Variants in SPATC1 observed in about 807,000 individuals in gnomAD.
SPATC1 encodes the protein speriolin.
SPATC1 carries 35 observed loss-of-function variants against 36.5 expected under a neutral mutation model. The observed-to-expected ratio is 0.96, with a 90% confidence interval of 0.73 to 1.27. The LOEUF is 1.27. Among genes scored for constraint, SPATC1 ranks in the 50% most tolerant of loss-of-function variants. SPATC1 has a pLI of 0.00. For synonymous variants in SPATC1, 361 were observed against 353.6 expected (o/e 1.02, Z -0.24); for missense variants, 779 against 796.0 (o/e 0.98, Z 0.26).
chr8:144,038,137 A>G (rs1367510607), intron 1 of SPATC1, among the ~76,000 whole-genome samples: 3 of 151,164 alleles, frequency 2.0e-5, no homozygotes, highest in Non-Finnish European at 4.4e-5. Context: ...AAAAAAAAAA[A>G]AAAATTGATT....
chr8:144,045,378 G>A lies in SPATC1; in HGVS notation c.1447-1249G>A, dbSNP rs1039660714. Among the ~76,000 whole-genome samples, 14 of 152,182 alleles carry A rather than the reference G, an allele frequency of 9.2e-5. No individual in the cohort carries two copies. The highest frequency in any genetic ancestry group is 2.2e-4 in the African/African-American group (9 of 41,446). On this transcript the variant is annotated intron_variant, in intron 4 of 4. Coordinates refer to ENST00000377470, the MANE Select transcript of SPATC1 (RefSeq NM_198572.3). This position sits in a 1 kb window ranked among gnomAD's most constrained non-coding sequence, Gnocchi z 5.2. ...AGCAGAGGTTGACGTCACATTAACC[G>A]GGCCCGGTCCTGAGTCCAGCCCCAA... is the stretch of plus-strand genomic sequence containing the variant.
chr8:144,024,843 G>A (rs1834642629), intron 1 of SPATC1, among the ~76,000 whole-genome samples: 1 of 13,332 alleles, frequency 7.5e-5, no homozygotes, highest in African/African-American at 2.9e-4. Flanking sequence ...CCTCTTTCCT[G>A]AGGAATCTCT....
chr8:144,031,629 T>C (rs949866592), intron 1 of SPATC1, among the ~76,000 whole-genome samples: 2 of 151,816 alleles, frequency 1.3e-5, no homozygotes, highest in African/African-American at 4.8e-5. Flanking sequence ...CTGAGTTTCT[T>C]TGATATGTGG....
intron 1 of SPATC1, among the ~76,000 whole-genome samples, chr8:144,018,102 A>C (rs1378883121): frequency 6.6e-6 from 1 of 152,236 alleles, no homozygotes; most frequent in African/African-American, 2.4e-5. Flanking sequence ...ACAAAGGAGC[A>C]TGCAGAGAGG....
upstream of SPATC1, among the ~76,000 whole-genome samples, chr8:144,012,238 G>A (rs2133089127): frequency 6.6e-6 from 1 of 152,374 alleles, no homozygotes. Flanking sequence ...CACGGAAGAG[G>A]CACCATGAGG....
intron 1 of SPATC1, among the ~76,000 whole-genome samples, chr8:144,036,563 A>G (rs1261355363): frequency 6.6e-6 from 1 of 152,116 alleles, no homozygotes; most frequent in Non-Finnish European, 1.5e-5. Flanking sequence ...AACTCAAGCA[A>G]TCTGCCCATC....
At chr8:144,013,440 T>C (rs1294747873) in intron 1 of SPATC1, among the ~76,000 whole-genome samples, 1 of 152,132 alleles carries the variant, frequency 6.6e-6, no homozygotes, top group Non-Finnish European at 1.5e-5. Flanking sequence ...TTCTGACTGA[T>C]AACTTGGGTC....
chr8:144,039,816 C>G, intron 1 of SPATC1, 93 bp from the exon 2 acceptor site: 1 of 1,345,684 alleles, frequency 7.4e-7, no homozygotes, highest in Non-Finnish European at 1.0e-6. Flanking sequence ...GGCACTATGG[C>G]CAGGCCCTAC....
chr8:144,019,085 G>A (rs1422826996), intron 1 of SPATC1, among the ~76,000 whole-genome samples: 9 of 151,520 alleles, frequency 5.9e-5, no homozygotes, highest in African/African-American at 2.2e-4. Flanking sequence ...GGAACTGAGA[G>A]GAGAACTTGG....
At position 144,023,766 on chromosome 8, in the gene SPATC1, T is replaced by TC. The variant is rs1258063156; in HGVS notation, c.211+11040_211+11041insC. On this transcript the variant is annotated intron_variant, in intron 1 of 4. Coordinates refer to ENST00000377470, the MANE Select transcript of SPATC1 (RefSeq NM_198572.3). Reference sequence around the variant, plus strand: ...TCAAAACTCTCTTCCTTCAGAACCCTTTCCCTAAGGTCCCTCTTCCCTCAG... The same window carrying TC: ...TCAAAACTCTCTTCCTTCAGAACCCTCTTCCCTAAGGTCCCTCTTCCCTCAG... Among the ~76,000 whole-genome samples, 36 of 18,580 alleles carry TC rather than the reference T, an allele frequency of 1.9e-3. 13 individuals are homozygous for TC. The highest frequency in any genetic ancestry group is 3.5e-3 in the Admixed American group (7 of 1,984). 12.2% of individuals were successfully genotyped at this position (18,580 alleles called of 152,430 possible). A position where few individuals can be genotyped will look rare whatever the true frequency, so the allele number is the denominator to read the frequency against.
chr8:144,012,278 G>C, upstream of SPATC1: 1 of 546,354 alleles, frequency 1.8e-6, no homozygotes. Flanking sequence ...GAAAAGGTCA[G>C]GACATTCCAG....
At chr8:144,024,692 C>T (rs1411908001) in intron 1 of SPATC1, among the ~76,000 whole-genome samples, 2 of 150,824 alleles carry the variant, frequency 1.3e-5, no homozygotes, top group African/African-American at 4.9e-5. Context: ...AAACTTTTCT[C>T]TCAGGACCCT....
At chr8:144,037,934 C>T (rs1554755078) in intron 1 of SPATC1, among the ~76,000 whole-genome samples, 1 of 151,802 alleles carries the variant, frequency 6.6e-6, no homozygotes, top group South Asian at 2.1e-4. Flanking sequence ...TCAAGACCAT[C>T]CTGGCTAACA....
At chr8:144,015,192 A>G (rs980204092) in intron 1 of SPATC1, among the ~76,000 whole-genome samples, 5 of 150,038 alleles carry the variant, frequency 3.3e-5, no homozygotes, top group African/African-American at 5.0e-5. Context: ...GGTGCATGCC[A>G]GTACTCCTGG....
chr8:144,029,738 G>C (rs1834757381), intron 1 of SPATC1, among the ~76,000 whole-genome samples: 1 of 152,124 alleles, frequency 6.6e-6, no homozygotes, highest in East Asian at 1.9e-4. Context: ...ATCCATCCTG[G>C]AGAATGTTTC....
In SPATC1 at chr8:144,046,786, C is replaced by T. The variant is rs373716422; in HGVS notation, c.1606C>T (p.Arg536Ter). 145 of 1,609,024 alleles carry T rather than the reference C, an allele frequency of 9.0e-5. No individual in the cohort carries two copies. The East Asian group carries it at 2.7e-3, about 30-fold the overall frequency. ...EQLVNAYGILRERPELAASEG... is the reference protein window; with the variant it reads ...EQLVNAYGIL Reference sequence around the variant, plus strand: ...GCTGGTGAACGCTTATGGCATCCTGCGAGAGCGCCCGGAGCTGGCGGCGTC... The same window carrying T: ...GCTGGTGAACGCTTATGGCATCCTGTGAGAGCGCCCGGAGCTGGCGGCGTC... The change falls in exon 5 of 5, where the codon CGA becomes TGA. Residue 536 changes from arginine (R) to a stop codon, truncating the protein, a stop_gained. Coordinates refer to ENST00000377470, the MANE Select transcript of SPATC1 (RefSeq NM_198572.3). LOFTEE classifies it high-confidence loss of function. The surrounding 1 kb of genome is among the most constrained non-coding windows in gnomAD (Gnocchi z 6.6).
In SPATC1 at chr8:144,041,952, G is replaced by T. The variant is rs549789610; in HGVS notation, c.1446+581G>T. 223 of 985,302 alleles carry T rather than the reference G, an allele frequency of 2.3e-4. 1 individual carries two copies. The African/African-American group carries it at 2.4e-3, about 10-fold the overall frequency. The allele number at this position is 985,302 out of a possible 1,614,324, so 61.0% of individuals were successfully genotyped here. The stretch of plus-strand genomic sequence containing the variant: ...GTTAAAGCATCCTTGGGTTAGTTTT[G>T]TGTGTGTGGGATTTTGTTTGTTTGT... On this transcript the variant is annotated intron_variant, in intron 4 of 4. Coordinates refer to ENST00000377470, the MANE Select transcript of SPATC1 (RefSeq NM_198572.3).
chr8:144,036,079 C>T (rs1485090029), intron 1 of SPATC1, among the ~76,000 whole-genome samples: 1 of 152,116 alleles, frequency 6.6e-6, no homozygotes, highest in Non-Finnish European at 1.5e-5. Flanking sequence ...CTCCTGGGTC[C>T]TAAAACAAAA....
rs1451000072 is a variant in SPATC1 at position 144,040,252 on chromosome 8, C to A, written c.555C>A (p.Ala185=). The change falls in exon 2 of 5, where the codon GCC becomes GCA. Residue 185 remains alanine (A), a synonymous_variant. Coordinates refer to ENST00000377470, the MANE Select transcript of SPATC1 (RefSeq NM_198572.3). ...VAMSQSSPLI[A]PVMGTVAVSL... ...TGTCCCAGAGCAGCCCCCTGATAGCCCCTGTGATGGGCACGGTGGCTGTCT... is the reference window on the plus strand; with the variant it reads ...TGTCCCAGAGCAGCCCCCTGATAGCACCTGTGATGGGCACGGTGGCTGTCT... The A allele has an allele frequency of 4.3e-6, 7 of 1,612,970 alleles. No homozygotes were observed. The highest frequency in any genetic ancestry group is 5.9e-6 in the Non-Finnish European group (7 of 1,179,894).
Sources: allele counts gnomAD v4.1 joint callset (sites outside exome capture counted in the v4.1 genomes callset), GRCh38; gene constraint gnomAD v4.1.1; non-coding constraint Gnocchi (gnomAD v3.1); transcripts MANE v1.5; gene names NCBI Gene and HGNC (gene_info 2026-07-23, HGNC 2026-07-21).